TENM1: variants seen among roughly 807,000 people sequenced by gnomAD.
TENM1 encodes the protein teneurin transmembrane protein 1, also known as teneurin-1.
Under a neutral mutation model 174.8 loss-of-function variants are expected in TENM1, and 35 were observed. The ratio of observed to expected loss-of-function variants is 0.20; its 90% CI spans 0.15 to 0.27. The LOEUF (loss-of-function observed/expected upper bound fraction) is 0.27, where lower values mean the gene tolerates loss of function less well. Ranked by LOEUF, TENM1 falls within the 10% of genes least tolerant of loss-of-function variation. The pLI is 1.00. For missense variants in TENM1, 1,633 were observed against 2,130.1 expected (o/e 0.77, Z 4.59); for synonymous variants, 781 against 798.7 (o/e 0.98, Z 0.37).
chrX:125,021,795 C>G, the TENM1 span, among the ~76,000 whole-genome samples: 11,829 of 112,175 alleles, frequency 0.11, 545 homozygotes, highest in South Asian at 0.21. Flanking sequence ...TACTGTCCTT[C>G]TTTGATTTTT....
chrX:124,960,183 A>C (rs2058633261), intron 1 of TENM1, among the ~76,000 whole-genome samples: 1 of 112,213 alleles, frequency 8.9e-6, no homozygotes, highest in Non-Finnish European at 1.9e-5. Context: ...CTCTAGCCAT[A>C]TTGAATGTTT....
intron 1 of TENM1, among the ~76,000 whole-genome samples, chrX:124,898,926 T>A (rs2057609324): frequency 8.9e-6 from 1 of 112,177 alleles, no homozygotes. Context: ...CAATCTATAA[T>A]TAGAAAAAGT....
intron 3 of TENM1, among the ~76,000 whole-genome samples, chrX:124,848,048 TGAA>T (rs1258980349): frequency 1.8e-5 from 2 of 110,931 alleles, no homozygotes; most frequent in African/African-American, 6.5e-5. Flanking sequence ...GAAATGGCTT[TGAA>T]GAAGGACTCT....
chrX:125,069,835 C>T, the TENM1 span, among the ~76,000 whole-genome samples: 1 of 111,156 alleles, frequency 9.0e-6, no homozygotes, highest in Admixed American at 9.6e-5. Flanking sequence ...CTCCATACTG[C>T]CTTCCACAGG....
intron 25 of TENM1, among the ~76,000 whole-genome samples, chrX:124,407,013 C>G (rs750374478): frequency 8.9e-6 from 1 of 111,949 alleles, no homozygotes; most frequent in South Asian, 3.7e-4. Flanking sequence ...ACAAAATGAA[C>G]AGGCACAGAG....
At chrX:124,438,142 C>T (rs1224806888) in intron 23 of TENM1, among the ~76,000 whole-genome samples, 1 of 111,409 alleles carries the variant, frequency 9.0e-6, no homozygotes, top group African/African-American at 3.3e-5. Context: ...ACTGAATTTA[C>T]TTCTAGAACT....
At chrX:124,886,520 TAC>T (rs1372651699) in intron 3 of TENM1, among the ~76,000 whole-genome samples, 3 of 86,405 alleles carry the variant, frequency 3.5e-5, no homozygotes, top group East Asian at 7.6e-4. Flanking sequence ...CAAAAACATA[TAC>T]ATATATATAT....
intron 1 of TENM1, among the ~76,000 whole-genome samples, chrX:124,937,579 A>G (rs1195095603): frequency 8.9e-6 from 1 of 112,000 alleles, no homozygotes; most frequent in African/African-American, 3.2e-5. Flanking sequence ...GAAAACCCTA[A>G]TAAGAGCTGA....
intron 15 of TENM1, among the ~76,000 whole-genome samples, chrX:124,531,599 A>G (rs2048108326): frequency 8.9e-6 from 1 of 112,541 alleles, no homozygotes. Flanking sequence ...TCAGACCAAC[A>G]TTCATAGCTC....
intron 8 of TENM1, among the ~76,000 whole-genome samples, chrX:124,647,536 G>A (rs766157930): frequency 1.8e-5 from 2 of 111,245 alleles, no homozygotes; most frequent in Non-Finnish European, 3.8e-5. Flanking sequence ...AATATGTACC[G>A]TGCAACAGAA....
intron 22 of TENM1, among the ~76,000 whole-genome samples, chrX:124,476,731 C>A (rs2046734445): frequency 8.9e-6 from 1 of 112,278 alleles, no homozygotes; most frequent in Non-Finnish European, 1.9e-5. Context: ...TCACATTCTG[C>A]TTAAGTACTT....
At chrX:124,540,073 A>G (rs111572970) in intron 15 of TENM1, among the ~76,000 whole-genome samples, 1,632 of 112,333 alleles carry the variant, frequency 0.015, 20 homozygotes, top group African/African-American at 0.042. Flanking sequence ...CTGATGTTCC[A>G]TGATCCATAG....
At chrX:124,714,854 TA>T (rs2053142255) in intron 4 of TENM1, among the ~76,000 whole-genome samples, 1 of 111,440 alleles carries the variant, frequency 9.0e-6, no homozygotes, top group Non-Finnish European at 1.9e-5. Flanking sequence ...CAAAACTAAT[TA>T]AAATAAATAA....
intron 3 of TENM1, among the ~76,000 whole-genome samples, chrX:124,828,456 T>A (rs1391754747): frequency 3.6e-5 from 4 of 112,439 alleles, no homozygotes; most frequent in Non-Finnish European, 3.8e-5. Context: ...GCATTTGCAG[T>A]TTATGAGTCA....
chrX:124,895,678 G>A (rs1004570000), intron 2 of TENM1, among the ~76,000 whole-genome samples: 10 of 111,816 alleles, frequency 8.9e-5, no homozygotes, highest in South Asian at 3.7e-4. Context: ...TAGTATTGCC[G>A]TGGAAAATAA....
At chrX:124,796,535 AAC>A (rs752622254) in intron 3 of TENM1, among the ~76,000 whole-genome samples, 24 of 111,748 alleles carry the variant, frequency 2.1e-4, no homozygotes, top group Non-Finnish European at 4.5e-4. Context: ...TCGACTTAAA[AAC>A]ACAGGAAAAT....
intron 11 of TENM1, among the ~76,000 whole-genome samples, chrX:124,630,576 T>C (rs1026510955): frequency 1.8e-5 from 2 of 111,902 alleles, no homozygotes; most frequent in African/African-American, 6.5e-5. Flanking sequence ...GATGTGTAAA[T>C]TGAGACCCAT....
At chrX:125,089,408 A>G in the TENM1 span, among the ~76,000 whole-genome samples, 5 of 112,036 alleles carry the variant, frequency 4.5e-5, no homozygotes, top group African/African-American at 1.3e-4. Context: ...ATTGAAAAGC[A>G]GAAGGAATGC....
At chrX:125,187,553 G>A in the TENM1 span, among the ~76,000 whole-genome samples, 3 of 111,554 alleles carry the variant, frequency 2.7e-5, no homozygotes, top group Non-Finnish European at 5.6e-5. Flanking sequence ...TTACTAAGCA[G>A]CCATTAAACA....
Sources: gnomAD v4.1 joint callset for allele counts (sites outside exome capture counted in the v4.1 genomes callset) on GRCh38, gnomAD v4.1.1 for gene constraint, MANE v1.5 for transcripts, NCBI Gene and HGNC (gene_info 2026-07-23, HGNC 2026-07-21) for gene names.